RMDN1: variants seen among roughly 807,000 people sequenced by gnomAD.
RMDN1 encodes regulator of microtubule dynamics protein 1.
A neutral mutation model predicts 48.9 loss-of-function variants in RMDN1; 48 were observed. That is an observed-to-expected ratio of 0.98 (90% CI 0.78 to 1.25). The LOEUF (loss-of-function observed/expected upper bound fraction) is 1.25. RMDN1 is among the 50% of genes most tolerant of loss of function. The pLI is 0.00. For synonymous variants in RMDN1, 148 were observed against 132.6 expected, an observed-to-expected ratio of 1.12 and a Z score of -0.80; for missense variants, 418 against 373.4, an observed-to-expected ratio of 1.12 and a Z score of -0.98.
Position 86,478,945 on chromosome 8 carries a change from G to A in RMDN1, c.707C>T (p.Pro236Leu). ...TACCTTCTCATAGGTGGAACTAGGA[G>A]GAGTTGCAAACAGCATTTTAGCAAT... Reference protein sequence around the residue: ...RRIAKMLFATPPSSTYEKALG... With the variant: ...RRIAKMLFATLPSSTYEKALG... The change falls in exon 7 of 10, where the codon CCT becomes CTT. Residue 236 changes from proline (P) to leucine (L), a missense_variant. Coordinates refer to ENST00000406452, the MANE Select transcript of RMDN1 (RefSeq NM_016033.3). 1.2e-6 allele frequency: 2 copies of A among 1,613,776 alleles called. No homozygotes were observed. Among genetic ancestry groups the A allele is most frequent in the Non-Finnish European group, 1.7e-6 (2 of 1,179,712 alleles).
At chr8:86,499,856 C>T (rs1451488190) in intron 2 of RMDN1, among the ~76,000 whole-genome samples, 1 of 152,138 alleles carries the variant, frequency 6.6e-6, no homozygotes, top group African/African-American at 2.4e-5. Context: ...GGCCATGGAA[C>T]AGGTTAGAGA....
chr8:86,470,818 TAAC>T (rs1342371059), downstream of RMDN1, among the ~76,000 whole-genome samples: 1 of 152,102 alleles, frequency 6.6e-6, no homozygotes, highest in East Asian at 1.9e-4. Context: ...ATTGTTGAAA[TAAC>T]AAAATTATGG....
Position 86,473,228 on chromosome 8 carries a change from G to GA in RMDN1, c.*1079dup, listed in dbSNP as rs1812822142. On this transcript the variant is annotated 3_prime_UTR_variant, in exon 10 of 10. Coordinates refer to ENST00000406452, the MANE Select transcript of RMDN1 (RefSeq NM_016033.3). ...ACATTACAATTCCCAAATCCTTTGG[G>GA]AAAAATCCACCTACACACACAGTCT... 1 of 985,164 alleles carries GA rather than the reference G, an allele frequency of 1.0e-6. No homozygotes were observed. The allele number at this position is 985,164 out of a possible 1,614,324, so 61.0% of individuals were successfully genotyped here. A position where few individuals can be genotyped will look rare whatever the true frequency, so the allele number is the denominator to read the frequency against.
chr8:86,512,972 T>G (rs1004101756), upstream of RMDN1, among the ~76,000 whole-genome samples: 1 of 152,130 alleles, frequency 6.6e-6, no homozygotes, highest in Admixed American at 6.5e-5. Context: ...AGTTTTTACT[T>G]AAGAATGTCT....
chr8:86,468,366 T>A, downstream of RMDN1: 1 of 453,962 alleles, frequency 2.2e-6, no homozygotes, highest in Non-Finnish European at 4.4e-6. Flanking sequence ...GAGATCTGCT[T>A]GGTTGAATAG....
At chr8:86,480,111 C>G (rs1275384393) in intron 6 of RMDN1, among the ~76,000 whole-genome samples, 166 bp downstream of exon 6, 1 of 151,972 alleles carries the variant, frequency 6.6e-6, no homozygotes, top group Non-Finnish European at 1.5e-5. Context: ...TTAGTATGTT[C>G]TAACAATATA....
intron 8 of RMDN1, 24 bp downstream of exon 8, chr8:86,477,270 T>C (rs753804521): frequency 1.3e-6 from 2 of 1,555,848 alleles, no homozygotes; most frequent in East Asian, 4.6e-5. Flanking sequence ...ACTATATTAA[T>C]ATGTGTAATC....
Position 86,505,126 on chromosome 8 carries a change from G to A in RMDN1, c.247+1869C>T, listed in dbSNP as rs1263673370. The A allele has an allele frequency of 6.9e-6, 9 of 1,310,050 alleles. No homozygotes were observed. The South Asian group carries it at 9.6e-5, about 14-fold the overall frequency. The allele number at this position is 1,310,050 out of a possible 1,614,324, so 81.2% of individuals were successfully genotyped here. A position where few individuals can be genotyped will look rare whatever the true frequency, so the allele number is the denominator to read the frequency against. On this transcript the variant is annotated intron_variant, in intron 2 of 9. Transcript: ENST00000406452. ...GAAAGCCACCTCTCCCTGAATGAGA[G>A]ACCTCATCAGGATGAACCCAGGACT...
intron 2 of RMDN1, among the ~76,000 whole-genome samples, chr8:86,495,119 G>C (rs1443995900): frequency 1.3e-5 from 2 of 152,162 alleles, no homozygotes; most frequent in Admixed American, 1.3e-4. Context: ...GAGTAGACTG[G>C]CACATGCTGA....
intron 7 of RMDN1, 146 bp downstream of exon 7, chr8:86,478,777 T>C: frequency 1.4e-6 from 1 of 727,866 alleles, no homozygotes; most frequent in South Asian, 1.6e-5. Context: ...TAATAAGTGT[T>C]AAGCCTTGTG....
intron 1 of RMDN1, among the ~76,000 whole-genome samples, chr8:86,507,752 T>A (rs1243048733): frequency 6.6e-6 from 1 of 152,222 alleles, no homozygotes; most frequent in East Asian, 1.9e-4. Flanking sequence ...CCTCCCCATT[T>A]GGTTATAAAC....
upstream of RMDN1, among the ~76,000 whole-genome samples, chr8:86,510,988 GT>G (rs147566937): frequency 2.6e-5 from 4 of 151,690 alleles, no homozygotes; most frequent in African/African-American, 9.7e-5. Flanking sequence ...GTTGTTGTTT[GT>G]TTTTTGTTTT....
upstream of RMDN1, among the ~76,000 whole-genome samples, chr8:86,513,139 C>T (rs1321523659): frequency 1.3e-5 from 2 of 151,738 alleles, no homozygotes; most frequent in East Asian, 3.9e-4. Context: ...CTTTGGGAAG[C>T]CAAGGTGGGT....
downstream of RMDN1, among the ~76,000 whole-genome samples, chr8:86,469,957 T>C (rs1314341655): frequency 6.6e-6 from 1 of 152,190 alleles, no homozygotes; most frequent in African/African-American, 2.4e-5. Context: ...ATGATGCTTA[T>C]TTTATACATG....
intron 1 of RMDN1, 147 bp downstream of exon 1, chr8:86,508,345 C>CG (rs1819732403): frequency 1.2e-6 from 1 of 834,954 alleles, no homozygotes; most frequent in Admixed American, 3.5e-5. Context: ...GGGACCTGTC[C>CG]GGGCGTTCCA....
chr8:86,490,567 A>G (rs368960072), intron 2 of RMDN1, among the ~76,000 whole-genome samples: 100 of 152,246 alleles, frequency 6.6e-4, no homozygotes, highest in African/African-American at 2.0e-3. Context: ...AGCTCTCCCA[A>G]TGCTGATTTT....
At chr8:86,511,516 C>T (rs541250856), upstream of RMDN1, among the ~76,000 whole-genome samples, 16 of 151,048 alleles carry the variant, frequency 1.1e-4, no homozygotes, top group East Asian at 3.0e-3. Context: ...GAATTCAAAG[C>T]TCTGAGACTA....
At position 86,488,484 on chromosome 8, in the gene RMDN1, C is replaced by A; in HGVS notation, c.335+68G>T. ...TTTTAAAACCTCAAGCACTAAGGGT[C>A]ATTTTAATTGTTAAATAACAAAAAT... On this transcript the variant is annotated intron_variant, in intron 3 of 9. Transcript: ENST00000406452. 3 of 857,328 alleles carry A rather than the reference C, an allele frequency of 3.5e-6. No individual in the cohort carries two copies. In the South Asian group the frequency reaches 5.9e-5, roughly 17 times the overall value. The allele number at this position is 857,328 out of a possible 1,614,324, so 53.1% of individuals were successfully genotyped here.
chr8:86,505,700 G>T (rs1819207692), intron 2 of RMDN1, among the ~76,000 whole-genome samples: 1 of 152,156 alleles, frequency 6.6e-6, no homozygotes, highest in African/African-American at 2.4e-5. Flanking sequence ...AATTGAGATT[G>T]GAGGGAGGTG....
Sources: allele counts gnomAD v4.1 joint callset (sites outside exome capture counted in the v4.1 genomes callset), GRCh38; gene constraint gnomAD v4.1.1; transcripts MANE v1.5; gene names NCBI Gene and HGNC (gene_info 2026-07-23, HGNC 2026-07-21).